P2RX5: variants seen among roughly 807,000 people sequenced by gnomAD.
The protein encoded by P2RX5 is P2X purinoceptor 5.
Under a neutral mutation model 54.1 loss-of-function variants are expected in P2RX5, and 46 were observed. That is an observed-to-expected ratio of 0.85 (90% confidence interval 0.67 to 1.09). P2RX5 has a LOEUF of 1.09. P2RX5 is among the 50% of genes least tolerant of loss of function. The pLI, the probability that P2RX5 is intolerant of heterozygous loss-of-function variation, is 0.00. For missense variants in P2RX5, 566 were observed against 549.8 expected, an observed-to-expected ratio of 1.03 and a Z score of -0.29; for synonymous variants, 226 against 226.4, an observed-to-expected ratio of 1.00 and a Z score of 0.02.
At chr17:3,699,889 G>A (rs1360228087), upstream of P2RX5, among the ~76,000 whole-genome samples, 15 of 25,886 alleles carry the variant, frequency 5.8e-4, no homozygotes, top group Middle Eastern at 0.028. Flanking sequence ...AAGGAAGGAA[G>A]GAAGGAAGGA....
At position 3,691,824 on chromosome 17, in the gene P2RX5, C is replaced by T. The variant is rs372704138; in HGVS notation, c.138-30G>A. 7 of 1,613,646 alleles carry T rather than the reference C, an allele frequency of 4.3e-6. No individual in the cohort carries two copies. In the African/African-American group the frequency reaches 8.0e-5, roughly 18 times the overall value. ...GGGAAGGGGGCCGGTACGTGGGCAT[C>T]AGCCACTCTGCTGGCTTCGGGGAGC... On this transcript the variant is annotated intron_variant, in intron 1 of 11. Coordinates refer to ENST00000225328, the MANE Select transcript of P2RX5 (RefSeq NM_002561.4).
Position 3,690,963 on chromosome 17 carries a change from C to T in P2RX5, c.353G>A (p.Cys118Tyr). The change falls in exon 3 of 12, where the codon TGT becomes TAT. Residue 118 changes from cysteine to tyrosine, a missense_variant. Transcript: ENST00000225328. ...CCCCTCGCCAAATCAAACCTCAGCA[C>T]AGACGTTCTGCCGCTGGTTGGGGGT... Reference protein sequence around the residue: ...IVTPNQRQNVCAENEGIPDGA... With the variant: ...IVTPNQRQNVYAENEGIPDGA... 2.5e-6 allele frequency: 4 copies of T among 1,594,676 alleles called. No individual in the cohort carries two copies. Among genetic ancestry groups the T allele is most frequent in the Non-Finnish European group, 3.4e-6 (4 of 1,170,572 alleles).
At chr17:3,709,491 A>C in the P2RX5 span, among the ~76,000 whole-genome samples, 1 of 152,212 alleles carries the variant, frequency 6.6e-6, no homozygotes, top group East Asian at 1.9e-4. Context: ...TGAAGTGATT[A>C]AGTTTCCCTA....
At chr17:3,691,514 C>A in intron 2 of P2RX5, 130 bp downstream of exon 2, 1 of 1,164,072 alleles carries the variant, frequency 8.6e-7, no homozygotes, top group Non-Finnish European at 1.2e-6. Context: ...TCTGCAAGCC[C>A]TGGCAGCTGT....
At chr17:3,699,879 AAGGAAGGAAGGAAGG>A (rs2050804502), upstream of P2RX5, among the ~76,000 whole-genome samples, 6 of 26,660 alleles carry the variant, frequency 2.3e-4, no homozygotes, top group African/African-American at 3.3e-4. Flanking sequence ...GAAAGAAAGG[AAGGAAGGAAGGAAGG>A]AAGGAAGGAA....
At chr17:3,707,873 A>G in the P2RX5 span, among the ~76,000 whole-genome samples, 1 of 152,046 alleles carries the variant, frequency 6.6e-6, no homozygotes, top group African/African-American at 2.4e-5. Context: ...CCTGGCTAAC[A>G]CGGTGAAACC....
chr17:3,723,537 G>T, the P2RX5 span: 1 of 1,003,384 alleles, frequency 1.0e-6, no homozygotes, highest in East Asian at 2.6e-5. Context: ...TCCAGCGGGA[G>T]CAATTGAGAC....
At chr17:3,701,711 AAAAAAAAAG>A in the P2RX5 span, among the ~76,000 whole-genome samples, 42 of 149,404 alleles carry the variant, frequency 2.8e-4, 1 homozygote, top group African/African-American at 9.3e-4. Context: ...AAAAAAAAAA[AAAAAAAAAG>A]GAACTTCTAA....
chr17:3,716,623 A>C, the P2RX5 span: 2 of 988,964 alleles, frequency 2.0e-6, no homozygotes, highest in Non-Finnish European at 3.2e-6. Context: ...GGCTGTCCTA[A>C]GGAGTTCTGT....
At chr17:3,685,139 C>T (rs1597257615) in intron 9 of P2RX5, among the ~76,000 whole-genome samples, 1 of 152,046 alleles carries the variant, frequency 6.6e-6, no homozygotes, top group Non-Finnish European at 1.5e-5. Flanking sequence ...GTCACTGCGC[C>T]CGGCCTAATC....
chr17:3,709,532 C>A, the P2RX5 span, among the ~76,000 whole-genome samples: 14 of 152,138 alleles, frequency 9.2e-5, no homozygotes, highest in African/African-American at 3.4e-4. Flanking sequence ...GCCCTTAGTC[C>A]CAGCTACTGC....
upstream of P2RX5, among the ~76,000 whole-genome samples, chr17:3,696,932 G>T (rs576508616): frequency 3.6e-4 from 49 of 136,244 alleles, no homozygotes; most frequent in Admixed American, 5.1e-4. Flanking sequence ...GGGTGGTTGT[G>T]GGGGGGAAGC....
intron 5 of P2RX5, 50 bp downstream of exon 5, chr17:3,690,377 C>A (rs1385280136): frequency 1.4e-6 from 2 of 1,428,726 alleles, no homozygotes; most frequent in East Asian, 4.8e-5. Flanking sequence ...CTGGGACCCA[C>A]CGCACGGGGC....
chr17:3,711,894 A>G, the P2RX5 span, among the ~76,000 whole-genome samples: 1 of 152,070 alleles, frequency 6.6e-6, no homozygotes, highest in Admixed American at 6.6e-5. Flanking sequence ...AAATCTAACC[A>G]TGTCGCACTT....
chr17:3,711,686 A>ATTAT, the P2RX5 span, among the ~76,000 whole-genome samples: 47 of 145,802 alleles, frequency 3.2e-4, no homozygotes, highest in South Asian at 8.6e-4. Context: ...GCCCGGCCTC[A>ATTAT]TTATTTATTT....
At position 3,690,627 on chromosome 17, in the gene P2RX5, C is replaced by T. The variant is rs988114390; in HGVS notation, c.414G>A (p.Gly138=). The change falls in exon 4 of 12, where the codon GGG becomes GGA. Residue 138 remains glycine, a synonymous_variant. Coordinates refer to ENST00000225328, the MANE Select transcript of P2RX5 (RefSeq NM_002561.4). ...CACCGTTTCCAGCTGTAACCGCTTCCCCAGCGTGGCAGTCGCTGTCCTTGG... is the reference window on the plus strand; with the variant it reads ...CACCGTTTCCAGCTGTAACCGCTTCTCCAGCGTGGCAGTCGCTGTCCTTGG... ...ACSKDSDCHA[G]EAVTAGNGVK... The T allele has an allele frequency of 6.2e-7, 1 of 1,613,590 alleles. No individual in the cohort carries two copies. Among genetic ancestry groups the T allele is most frequent in the South Asian group, 1.1e-5 (1 of 91,086 alleles).
chr17:3,700,618 C>T (rs1030494292), upstream of P2RX5, among the ~76,000 whole-genome samples: 4 of 151,934 alleles, frequency 2.6e-5, no homozygotes, highest in African/African-American at 9.7e-5. Flanking sequence ...CTGCTGCTTT[C>T]GAGTGATACA....
chr17:3,689,942 G>A (rs1325413445), intron 6 of P2RX5, 128 bp downstream of exon 6: 7 of 913,964 alleles, frequency 7.7e-6, no homozygotes, highest in South Asian at 1.3e-5. Flanking sequence ...ACGCACACAC[G>A]CGAACACACG....
At chr17:3,699,093 ACC>A (rs1491384218), upstream of P2RX5, among the ~76,000 whole-genome samples, 279 of 59,658 alleles carry the variant, frequency 4.7e-3, 3 homozygotes, top group East Asian at 0.01. Context: ...ACACACACAC[ACC>A]TATATATATA....
Sources: gnomAD v4.1 joint callset for allele counts (sites outside exome capture counted in the v4.1 genomes callset) on GRCh38, gnomAD v4.1.1 for gene constraint, MANE v1.5 for transcripts, NCBI Gene and HGNC (gene_info 2026-07-23, HGNC 2026-07-21) for gene names.